Variants in ANKS1B observed in about 807,000 individuals in gnomAD.
ANKS1B encodes the protein ankyrin repeat and sterile alpha motif domain-containing protein 1B.
ANKS1B carries 36 observed loss-of-function variants against 148.3 expected under a neutral mutation model. The observed-to-expected ratio is 0.24, with a 90% CI of 0.19 to 0.32. The LOEUF (loss-of-function observed/expected upper bound fraction) is 0.32, where lower values mean the gene tolerates loss of function less well. ANKS1B is among the 10% of genes least tolerant of loss of function. The pLI is 1.00. For missense variants in ANKS1B, 1,157 were observed against 1,542.6 expected (o/e 0.75, Z 4.19); for synonymous variants, 542 against 560.8 (o/e 0.97, Z 0.47).
At chr12:99,881,192 C>T (rs1405620473) in intron 1 of ANKS1B, among the ~76,000 whole-genome samples, 2 of 152,192 alleles carry the variant, frequency 1.3e-5, no homozygotes, top group South Asian at 2.1e-4. Flanking sequence ...CTAGCTCTGG[C>T]TCAACAGGTA....
chr12:99,664,229 G>T (rs914203218), intron 8 of ANKS1B, among the ~76,000 whole-genome samples: 1 of 151,514 alleles, frequency 6.6e-6, no homozygotes, highest in Non-Finnish European at 1.5e-5. Context: ...CTCCATGACA[G>T]ATCATTTTAT....
intron 17 of ANKS1B, among the ~76,000 whole-genome samples, chr12:98,932,999 T>A (rs931614921): frequency 6.6e-6 from 1 of 152,234 alleles, no homozygotes; most frequent in Non-Finnish European, 1.5e-5. Context: ...TAACATGCGA[T>A]CTACCTCTGT....
intron 12 of ANKS1B, among the ~76,000 whole-genome samples, chr12:99,262,032 AC>A (rs1172898506): frequency 1.3e-5 from 2 of 152,092 alleles, no homozygotes; most frequent in Admixed American, 1.3e-4. Context: ...CTGGGTCATG[AC>A]CTTTGTACTT....
intron 9 of ANKS1B, among the ~76,000 whole-genome samples, chr12:99,634,795 CTG>C (rs1309293324): frequency 6.6e-6 from 1 of 152,162 alleles, no homozygotes; most frequent in East Asian, 1.9e-4. Context: ...ACCTTTAAAA[CTG>C]TGCGTCAAGG....
chr12:98,754,667 G>A (rs759332974), intron 25 of ANKS1B, among the ~76,000 whole-genome samples: 5 of 152,196 alleles, frequency 3.3e-5, no homozygotes, highest in African/African-American at 1.2e-4. Context: ...TACTGAAAGC[G>A]AGATCTACTT....
intron 4 of ANKS1B, among the ~76,000 whole-genome samples, chr12:99,796,506 C>A (rs2066270426): frequency 6.6e-6 from 1 of 151,802 alleles, no homozygotes; most frequent in Admixed American, 6.6e-5. Context: ...TGGAGCAAAC[C>A]TGGGTTCCAG....
rs1332115820 is a variant in ANKS1B, at chr12:99,810,310, C to T, written c.372+1845G>A. ...ACAGTGCCCGCTTTACCTTATGTCT[C>T]AATAAATGCTAATTACCATTTTTAT... On this transcript the variant is annotated intron_variant, in intron 3 of 26. Transcript: ENST00000683438. Among the ~76,000 whole-genome samples, 7 of 151,898 alleles carry T rather than the reference C, an allele frequency of 4.6e-5. No individual in the cohort carries two copies. In the South Asian group the frequency reaches 1.5e-3, roughly 32 times the overall value.
intron 2 of ANKS1B, among the ~76,000 whole-genome samples, chr12:99,814,570 C>G (rs1273968518): frequency 6.6e-6 from 1 of 151,664 alleles, no homozygotes; most frequent in South Asian, 2.1e-4. Context: ...TAAATAAATA[C>G]ATAACTTCAG....
At chr12:99,522,033 G>A (rs568118034) in intron 9 of ANKS1B, among the ~76,000 whole-genome samples, 91 of 152,292 alleles carry the variant, frequency 6.0e-4, no homozygotes, top group African/African-American at 2.1e-3. Flanking sequence ...GATTGGAGTC[G>A]AAAACCTTTT....
chr12:99,106,138 C>A (rs951848673), intron 15 of ANKS1B, among the ~76,000 whole-genome samples: 2 of 152,214 alleles, frequency 1.3e-5, no homozygotes, highest in Non-Finnish European at 2.9e-5. Flanking sequence ...CTCATTGGTA[C>A]TATCTGAGGA....
intron 12 of ANKS1B, among the ~76,000 whole-genome samples, chr12:99,373,062 C>A (rs1483594865): frequency 6.6e-6 from 1 of 152,104 alleles, no homozygotes; most frequent in Non-Finnish European, 1.5e-5. Flanking sequence ...TGAAAATCAC[C>A]TTCTTCAAAT....
chr12:98,774,573 T>A (rs983832553), intron 24 of ANKS1B, among the ~76,000 whole-genome samples: 6 of 152,224 alleles, frequency 3.9e-5, no homozygotes, highest in Admixed American at 1.3e-4. Flanking sequence ...CCATTTATGT[T>A]TTTTTGCAGT....
At chr12:99,146,644 G>C (rs953224284) in intron 15 of ANKS1B, among the ~76,000 whole-genome samples, 2 of 152,084 alleles carry the variant, frequency 1.3e-5, no homozygotes, top group Admixed American at 6.5e-5. Flanking sequence ...TCAGCTATTG[G>C]CTGGCTTCTC....
At chr12:99,885,593 G>A (rs1410199139) in intron 1 of ANKS1B, among the ~76,000 whole-genome samples, 2 of 152,056 alleles carry the variant, frequency 1.3e-5, no homozygotes, top group East Asian at 1.9e-4. Flanking sequence ...TTGAGCCACC[G>A]CGCCCGGTCT....
intron 10 of ANKS1B, among the ~76,000 whole-genome samples, chr12:99,502,402 C>T (rs1213560359): frequency 6.6e-6 from 1 of 152,122 alleles, no homozygotes; most frequent in Non-Finnish European, 1.5e-5. Context: ...TGATGCTCAT[C>T]TGAAGTTTAC....
chr12:98,820,460 C>T (rs533676701), intron 19 of ANKS1B, among the ~76,000 whole-genome samples: 1 of 152,322 alleles, frequency 6.6e-6, no homozygotes, highest in South Asian at 2.1e-4. Context: ...TGTGTCCAAT[C>T]TGATCTGTCG....
At chr12:98,841,696 A>G (rs1043860125) in intron 17 of ANKS1B, among the ~76,000 whole-genome samples, 1 of 152,188 alleles carries the variant, frequency 6.6e-6, no homozygotes, top group Non-Finnish European at 1.5e-5. Flanking sequence ...TAAGGTTAAA[A>G]GAAAGTATTA....
intron 1 of ANKS1B, among the ~76,000 whole-genome samples, chr12:99,922,847 C>T (rs1296539900): frequency 6.6e-6 from 1 of 151,992 alleles, no homozygotes; most frequent in Non-Finnish European, 1.5e-5. Context: ...GCCCCTCTTA[C>T]CCCTTTTAAC....
At chr12:99,226,231 G>C (rs945561514) in intron 14 of ANKS1B, among the ~76,000 whole-genome samples, 36 of 152,266 alleles carry the variant, frequency 2.4e-4, no homozygotes, top group African/African-American at 8.7e-4. Context: ...TCTGCTGTAA[G>C]TGCACAGGGT....
Sources: allele counts gnomAD v4.1 joint callset (sites outside exome capture counted in the v4.1 genomes callset), GRCh38; gene constraint gnomAD v4.1.1; transcripts MANE v1.5; gene names NCBI Gene and HGNC (gene_info 2026-07-23, HGNC 2026-07-21).